The following MBTPS1 variants were observed in gnomAD, a reference collection of about 807,000 sequenced individuals.
The protein encoded by MBTPS1 is membrane bound transcription factor peptidase, site 1.
MBTPS1 carries 94 observed loss-of-function variants against 127.8 expected under a neutral mutation model. The ratio of observed to expected loss-of-function variants is 0.74; its 90% CI spans 0.62 to 0.87. The LOEUF is 0.87. MBTPS1 is among the 40% of genes least tolerant of loss of function. MBTPS1 has a pLI of 0.00. For missense variants in MBTPS1, 1,636 were observed against 1,353.2 expected, an observed-to-expected ratio of 1.21 and a Z score of -3.28; for synonymous variants, 632 against 509.4, an observed-to-expected ratio of 1.24 and a Z score of -3.24.
At chr16:84,108,626 A>C (rs182083868) in intron 1 of MBTPS1, among the ~76,000 whole-genome samples, 6 of 152,314 alleles carry the variant, frequency 3.9e-5, no homozygotes, top group African/African-American at 1.2e-4. Context: ...TTCCTGAAGA[A>C]TTCTGCTGAA....
intron 21 of MBTPS1, 159 bp from the exon 22 acceptor site, chr16:84,056,294 A>C: frequency 1.7e-6 from 1 of 585,898 alleles, no homozygotes; most frequent in Non-Finnish European, 3.0e-6. Context: ...CACTGACAGC[A>C]ACTATGGTGG....
In MBTPS1 at chr16:84,081,813, TG is replaced by T; in HGVS notation, c.1381del (p.Gln461LysfsTer24). On this transcript the variant is annotated frameshift_variant, in exon 11 of 23. Transcript: ENST00000343411. LOFTEE classifies it high-confidence loss of function. ...GAGCAGATCGAGCTTGCCGTGGCCT[TG>T]CTCAAACATGTTGACCCCGGGGAGC... ...RRLPGVNMFE[Q>X]GHGKLDLLRA... 1 of 1,531,842 alleles carries T rather than the reference TG, an allele frequency of 6.5e-7. No homozygotes were observed. Among genetic ancestry groups the T allele is most frequent in the East Asian group, 2.5e-5 (1 of 39,932 alleles). 94.9% of individuals were successfully genotyped at this position (1,531,842 alleles called of 1,614,324 possible).
At chr16:84,061,806 T>A (rs1489685443) in intron 19 of MBTPS1, among the ~76,000 whole-genome samples, 2 of 152,226 alleles carry the variant, frequency 1.3e-5, no homozygotes, top group Non-Finnish European at 2.9e-5. Context: ...CTGGAGCTTC[T>A]GTTTCCATCT....
chr16:84,073,996 C>T (rs1283488408), intron 12 of MBTPS1, among the ~76,000 whole-genome samples: 1 of 151,940 alleles, frequency 6.6e-6, no homozygotes, highest in African/African-American at 2.4e-5. Flanking sequence ...ACAAGAGTGA[C>T]ACTCTGTCTC....
At chr16:84,094,758 T>G (rs1474941559) in intron 4 of MBTPS1, among the ~76,000 whole-genome samples, 3 of 152,200 alleles carry the variant, frequency 2.0e-5, no homozygotes, top group Non-Finnish European at 4.4e-5. Flanking sequence ...CAAGGAGTTC[T>G]CATAAAAAGG....
Position 84,074,691 on chromosome 16 carries a change from T to C in MBTPS1, c.1499A>G (p.Tyr500Cys), listed in dbSNP as rs573549046. ...DLTECPYMWPYCSQPIYYGGM... is the reference protein window; with the variant it reads ...DLTECPYMWPCCSQPIYYGGM... ...TCCATAGTAGATGGGCTGGGAGCAG[T>C]AGGGCCACATGTAGGGACACTCAGT... Residue 500 changes from tyrosine to cysteine, a missense_variant, in exon 12 of 23, where the codon TAC becomes TGC. Physicochemically the swap from Tyr to Cys is radical, Grantham distance 194. Transcript: ENST00000343411. 1.2e-6 allele frequency: 2 copies of C among 1,614,084 alleles called. No individual in the cohort carries two copies. Among genetic ancestry groups the C allele is most frequent in the Non-Finnish European group, 1.7e-6 (2 of 1,179,962 alleles).
intron 1 of MBTPS1, among the ~76,000 whole-genome samples, chr16:84,105,836 T>C (rs1450079661): frequency 6.6e-6 from 1 of 152,078 alleles, no homozygotes. Flanking sequence ...AGTGAGAAAC[T>C]ACTAAAAGCC....
intron 1 of MBTPS1, among the ~76,000 whole-genome samples, chr16:84,104,853 A>C (rs1597351467): frequency 6.6e-6 from 1 of 152,080 alleles, no homozygotes. Flanking sequence ...AGGCCGGCGG[A>C]TCACTTGAGG....
In MBTPS1 at chr16:84,109,085, G is replaced by A. The variant is rs116489070; in HGVS notation, c.-324-6978C>T. Among the ~76,000 whole-genome samples the A allele has an allele frequency of 3.1e-3, 468 of 152,312 alleles. 1 individual carries two copies. The highest frequency in any genetic ancestry group is 0.011 in the African/African-American group (440 of 41,568). ...CCCAACAGCAAGGAGCCCACCTACT[G>A]CCCACAATTGGTTCTAAATATCACT... On this transcript the variant is annotated intron_variant, in intron 1 of 22. Coordinates refer to ENST00000343411, the MANE Select transcript of MBTPS1 (RefSeq NM_003791.4).
rs758522985 is a variant in MBTPS1, at chr16:84,074,701, T to C, written c.1489A>G (p.Met497Val). The change falls in exon 12 of 23, where the codon ATG becomes GTG. Residue 497 changes from methionine (M) to valine (V), a missense_variant. By Grantham distance (21) the Met-to-Val change is conservative (BLOSUM62 1). Transcript: ENST00000343411. ...ATGGGCTGGGAGCAGTAGGGCCACA[T>C]GTAGGGACACTCAGTCAGATCTATG... ...SYIDLTECPY[M>V]WPYCSQPIYY... The C allele has an allele frequency of 6.2e-7, 1 of 1,614,046 alleles. No homozygotes were observed. The highest frequency in any genetic ancestry group is 1.7e-5 in the Admixed American group (1 of 60,008).
intron 10 of MBTPS1, 91 bp downstream of exon 10, chr16:84,084,892 G>C (rs760090742): frequency 5.0e-6 from 7 of 1,413,552 alleles, no homozygotes; most frequent in Non-Finnish European, 6.8e-6. Flanking sequence ...ACCCAAGACA[G>C]GGCAGAAGCA....
intron 7 of MBTPS1, 67 bp from the exon 8 acceptor site, chr16:84,091,009 A>G: frequency 8.9e-7 from 1 of 1,124,824 alleles, no homozygotes. Context: ...CAAAAAAAAA[A>G]AAAAAACCAT....
Position 84,099,205 on chromosome 16 carries a change from C to G in MBTPS1, c.269G>C (p.Arg90Pro), listed in dbSNP as rs901192156. ...AGGGTAGTCACTGGATGGATTGTTT[C>G]GAGGTATAATTCTCCAATTGTCTAC... ...SEVDNWRIIPRNNPSSDYPSD... is the reference protein window; with the variant it reads ...SEVDNWRIIPPNNPSSDYPSD... The change falls in exon 3 of 23, where the codon CGA becomes CCA. Residue 90 changes from arginine (R) to proline (P), a missense_variant. Transcript: ENST00000343411. The G allele has an allele frequency of 6.2e-7, 1 of 1,614,136 alleles. No homozygotes were observed. The highest frequency in any genetic ancestry group is 1.3e-5 in the African/African-American group (1 of 75,034).
chr16:84,069,766 C>G (rs988586633), intron 14 of MBTPS1, 100 bp downstream of exon 14: 1 of 1,156,372 alleles, frequency 8.6e-7, no homozygotes, highest in Non-Finnish European at 1.2e-6. Flanking sequence ...CCAGGCTCCA[C>G]GAGAAGCTGA....
chr16:84,116,429 T>C (rs2086478942), intron 1 of MBTPS1, among the ~76,000 whole-genome samples: 1 of 152,196 alleles, frequency 6.6e-6, no homozygotes. Flanking sequence ...GCACCTAGAA[T>C]TGAGTCTGTC....
intron 17 of MBTPS1, among the ~76,000 whole-genome samples, chr16:84,066,202 T>C (rs1187272323): frequency 6.6e-6 from 1 of 152,212 alleles, no homozygotes; most frequent in Non-Finnish European, 1.5e-5. Flanking sequence ...TAGCACTTTG[T>C]AAATAATTAA....
chr16:84,083,808 A>T (rs899269029), intron 10 of MBTPS1, among the ~76,000 whole-genome samples: 1 of 152,254 alleles, frequency 6.6e-6, no homozygotes, highest in Non-Finnish European at 1.5e-5. Flanking sequence ...TAGATAGAAG[A>T]AGTACAATTT....
chr16:84,065,274 T>A (rs888178307), intron 18 of MBTPS1, among the ~76,000 whole-genome samples: 1 of 152,130 alleles, frequency 6.6e-6, no homozygotes, highest in South Asian at 2.1e-4. Flanking sequence ...CGTGCCATCA[T>A]GCCCGGCTAA....
At chr16:84,074,027 A>G (rs1409356807) in intron 12 of MBTPS1, among the ~76,000 whole-genome samples, 1 of 152,168 alleles carries the variant, frequency 6.6e-6, no homozygotes, top group African/African-American at 2.4e-5. Context: ...AAAGAATGAA[A>G]TACTACAACT....
Sources: allele counts gnomAD v4.1 joint callset (sites outside exome capture counted in the v4.1 genomes callset), GRCh38; gene constraint gnomAD v4.1.1; transcripts MANE v1.5; gene names NCBI Gene and HGNC (gene_info 2026-07-23, HGNC 2026-07-21).